Variants in GTF2IRD1 observed in about 807,000 individuals in gnomAD.
GTF2IRD1 encodes general transcription factor II-I repeat domain-containing protein 1.
A neutral mutation model predicts 113.2 loss-of-function variants in GTF2IRD1; 26 were observed. The observed-to-expected ratio is 0.23, with a 90% CI of 0.17 to 0.32. The LOEUF is 0.32. Among genes scored for constraint, GTF2IRD1 ranks in the 10% least tolerant of loss-of-function variants. The pLI is 1.00. For missense variants in GTF2IRD1, 864 were observed against 1,280.8 expected (o/e 0.67, Z 4.97); for synonymous variants, 484 against 529.1 (o/e 0.91, Z 1.17).
chr7:74,468,433 GC>G (rs1793863538), intron 1 of GTF2IRD1, among the ~76,000 whole-genome samples: 1 of 151,678 alleles, frequency 6.6e-6, no homozygotes. Flanking sequence ...GCTGAGACGC[GC>G]AGATCACAAG....
intron 9 of GTF2IRD1, among the ~76,000 whole-genome samples, chr7:74,531,138 G>A (rs782540368): frequency 7.2e-5 from 11 of 151,898 alleles, no homozygotes; most frequent in Admixed American, 2.0e-4. Context: ...TGGGAGGCCA[G>A]GATGAGTGGA....
intron 1 of GTF2IRD1, among the ~76,000 whole-genome samples, chr7:74,457,414 T>G (rs1267058232): frequency 4.6e-5 from 7 of 152,162 alleles, no homozygotes; most frequent in African/African-American, 1.7e-4. Context: ...AATGGCTACA[T>G]GTTTGAATGA....
chr7:74,509,938 G>A (rs1342526436), intron 2 of GTF2IRD1, among the ~76,000 whole-genome samples: 5 of 152,160 alleles, frequency 3.3e-5, no homozygotes, highest in African/African-American at 7.2e-5. Flanking sequence ...GCCTCTCAAA[G>A]TGCTGGGATT....
intron 17 of GTF2IRD1, among the ~76,000 whole-genome samples, chr7:74,553,767 G>A (rs1284049548): frequency 6.6e-6 from 1 of 152,130 alleles, no homozygotes; most frequent in Non-Finnish European, 1.5e-5. Context: ...CGCTACTCTG[G>A]CCTGGGACTC....
At chr7:74,490,074 C>T (rs1554336376) in intron 1 of GTF2IRD1, among the ~76,000 whole-genome samples, 6 of 152,104 alleles carry the variant, frequency 3.9e-5, no homozygotes, top group Non-Finnish European at 1.5e-5. Context: ...TCAAGCTATC[C>T]TCCTGCCTCA....
chr7:74,524,957 A>C (rs1003187400), intron 8 of GTF2IRD1, among the ~76,000 whole-genome samples: 1 of 152,184 alleles, frequency 6.6e-6, no homozygotes, highest in African/African-American at 2.4e-5. Flanking sequence ...GGATTGCTTG[A>C]GTCCAGAAGG....
intron 8 of GTF2IRD1, among the ~76,000 whole-genome samples, chr7:74,526,612 T>A (rs1554347258): frequency 6.6e-6 from 1 of 152,120 alleles, no homozygotes; most frequent in Admixed American, 6.6e-5. Context: ...TGGCACTGCA[T>A]GAAGGCAGCC....
chr7:74,583,320 C>G (rs1435914958), intron 22 of GTF2IRD1, among the ~76,000 whole-genome samples: 1 of 151,120 alleles, frequency 6.6e-6, no homozygotes, highest in East Asian at 1.9e-4. Context: ...TCCCAAGTAT[C>G]TGGGATTACA....
At chr7:74,533,747 C>T (rs1382461176) in intron 9 of GTF2IRD1, among the ~76,000 whole-genome samples, 1 of 152,052 alleles carries the variant, frequency 6.6e-6, no homozygotes, top group African/African-American at 2.4e-5. Context: ...TGAAGGGTCC[C>T]ACAAGGCCAG....
chr7:74,508,752 T>C (rs1003743459), intron 2 of GTF2IRD1, among the ~76,000 whole-genome samples: 2 of 151,638 alleles, frequency 1.3e-5, no homozygotes, highest in Non-Finnish European at 2.9e-5. Context: ...CTCGTCCCCT[T>C]GTCCCTTCAC....
intron 22 of GTF2IRD1, among the ~76,000 whole-genome samples, chr7:74,581,794 C>G (rs1801436461): frequency 2.0e-5 from 3 of 152,158 alleles, no homozygotes; most frequent in Admixed American, 6.5e-5. Flanking sequence ...ATTGCTTGAG[C>G]TTAGGAGTTG....
rs587597903 is a variant in GTF2IRD1, at chr7:74,552,580, T to A, written c.1917-2594T>A. ...ATGGATTTTGGGCCAGCTTAAAGAG[T>A]TTGAATTTTATTTTATTTTTTAAAA... On this transcript the variant is annotated intron_variant, in intron 17 of 26. Coordinates refer to ENST00000424337, the MANE Select transcript of GTF2IRD1 (RefSeq NM_005685.4). 3.9e-3 allele frequency among the ~76,000 whole-genome samples: 592 copies of A among 151,974 alleles called. 2 individuals are homozygous for A. The highest frequency in any genetic ancestry group is 6.2e-3 in the Non-Finnish European group (422 of 67,972).
intron 7 of GTF2IRD1, among the ~76,000 whole-genome samples, 184 bp from the exon 8 acceptor site, chr7:74,523,887 C>T (rs886489461): frequency 6.6e-6 from 1 of 152,092 alleles, no homozygotes; most frequent in Non-Finnish European, 1.5e-5. Flanking sequence ...CAGGAACGGG[C>T]AGACGGGGGA....
intron 23 of GTF2IRD1, among the ~76,000 whole-genome samples, chr7:74,590,282 T>C (rs1554369086): frequency 6.6e-6 from 1 of 151,378 alleles, no homozygotes; most frequent in Non-Finnish European, 1.5e-5. Flanking sequence ...GGTTTCACTA[T>C]GTTGCCCAGA....
At chr7:74,541,665 C>G (rs140880578) in intron 14 of GTF2IRD1, among the ~76,000 whole-genome samples, 139 of 152,264 alleles carry the variant, frequency 9.1e-4, no homozygotes, top group African/African-American at 3.3e-3. Context: ...TTTTGGGAGG[C>G]TGAGGCGGGC....
In GTF2IRD1 at chr7:74,557,671, A is replaced by T. The variant is rs1554357533; in HGVS notation, c.2056A>T (p.Ile686Phe). ...TGACGCGAGGCTCTCACGGATCGAC[A>T]TCGCCAACACACTAAGGGAGCAGGT... is the stretch of plus-strand genomic sequence containing the variant. ...NYDARLSRID[I>F]ANTLREQVQD... Residue 686 changes from isoleucine to phenylalanine, a missense_variant, in exon 20 of 27, where the codon ATC becomes TTC. By Grantham distance (21) the Ile-to-Phe change is conservative. Coordinates refer to ENST00000424337, the MANE Select transcript of GTF2IRD1 (RefSeq NM_005685.4). 1.2e-6 allele frequency: 2 copies of T among 1,613,734 alleles called. No individual in the cohort carries two copies. The highest frequency in any genetic ancestry group is 1.7e-5 in the Admixed American group (1 of 59,990).
At chr7:74,549,436 C>T (rs1251967175) in intron 17 of GTF2IRD1, among the ~76,000 whole-genome samples, 23 of 152,024 alleles carry the variant, frequency 1.5e-4, no homozygotes, top group African/African-American at 4.8e-4. Flanking sequence ...CATACAGTGG[C>T]GAGGAGATCC....
rs1798543201 is a variant in GTF2IRD1, at chr7:74,540,037, G to A, written c.1618+69G>A. 17 of 1,125,980 alleles carry A rather than the reference G, an allele frequency of 1.5e-5. No homozygotes were observed. In the South Asian group the frequency reaches 2.1e-4, roughly 14 times the overall value. The allele number at this position is 1,125,980 out of a possible 1,614,324, so 69.7% of individuals were successfully genotyped here. The stretch of plus-strand genomic sequence containing the variant: ...CCAGGGAGCAAAGGGAAAGGGGTGG[G>A]CCAGGCCGTCCCCAGGTGTTTCTTG... On this transcript the variant is annotated intron_variant, in intron 14 of 26. Coordinates refer to ENST00000424337, the MANE Select transcript of GTF2IRD1 (RefSeq NM_005685.4).
intron 1 of GTF2IRD1, among the ~76,000 whole-genome samples, chr7:74,491,017 G>A (rs925442565): frequency 1.3e-5 from 2 of 152,112 alleles, no homozygotes; most frequent in African/African-American, 4.8e-5. Flanking sequence ...TAAAGCAACA[G>A]AAATTTCAGG....
Sources: gnomAD v4.1 joint callset for allele counts (sites outside exome capture counted in the v4.1 genomes callset) on GRCh38, gnomAD v4.1.1 for gene constraint, MANE v1.5 for transcripts, NCBI Gene and HGNC (gene_info 2026-07-23, HGNC 2026-07-21) for gene names.